Variants in PDCD1LG2 observed in about 807,000 individuals in gnomAD.
The protein encoded by PDCD1LG2 is programmed cell death 1 ligand 2.
Under a neutral mutation model 28.2 loss-of-function variants are expected in PDCD1LG2, and 32 were observed. The ratio of observed to expected loss-of-function variants is 1.13; its 90% CI spans 0.86 to 1.52. PDCD1LG2 has a LOEUF of 1.52. Among genes scored for constraint, PDCD1LG2 ranks in the 40% most tolerant of loss-of-function variants. The pLI, the probability that PDCD1LG2 is intolerant of heterozygous loss-of-function variation, is 0.00. For missense variants in PDCD1LG2, 385 were observed against 323.8 expected, an observed-to-expected ratio of 1.19 and a Z score of -1.45; for synonymous variants, 116 against 120.2, an observed-to-expected ratio of 0.97 and a Z score of 0.23.
At position 5,569,917 on chromosome 9, in the gene PDCD1LG2, A is replaced by G. The variant is rs774888890; in HGVS notation, c.817-37A>G. The G allele has an allele frequency of 5.0e-6, 8 of 1,609,618 alleles. No individual in the cohort carries two copies. In the South Asian group the frequency reaches 7.7e-5, roughly 16 times the overall value. ...GAGGTTATATATTTTCTAATCATAA[A>G]AAATGATTTTTCTTATTTGTGGGCT... On this transcript the variant is annotated intron_variant, in intron 6 of 6. Transcript: ENST00000397747. This position sits in a 1 kb window ranked among gnomAD's most constrained non-coding sequence, Gnocchi z 4.1.
Position 5,569,898 on chromosome 9 carries a change from A to G in PDCD1LG2, c.817-56A>G. ...TCCTCACTCAAATTTTGGGGAGGTT[A>G]TATATTTTCTAATCATAAAAAATGA... On this transcript the variant is annotated intron_variant, in intron 6 of 6. Coordinates refer to ENST00000397747, the MANE Select transcript of PDCD1LG2 (RefSeq NM_025239.4). This position sits in a 1 kb window ranked among gnomAD's most constrained non-coding sequence, Gnocchi z 4.1. 1 of 1,575,714 alleles carries G rather than the reference A, an allele frequency of 6.3e-7. No individual in the cohort carries two copies. The highest frequency in any genetic ancestry group is 1.1e-5 in the South Asian group (1 of 89,792).
intron 4 of PDCD1LG2, among the ~76,000 whole-genome samples, chr9:5,555,609 C>G (rs921881477): frequency 6.6e-6 from 1 of 152,174 alleles, no homozygotes; most frequent in African/African-American, 2.4e-5. Flanking sequence ...AGCAGCTAAG[C>G]AGCTATGTTC....
chr9:5,546,636 C>G (rs1356757259), intron 3 of PDCD1LG2, among the ~76,000 whole-genome samples: 1 of 152,292 alleles, frequency 6.6e-6, no homozygotes, highest in Middle Eastern at 3.4e-3. Flanking sequence ...ATTCCTCTAT[C>G]TGCTTATGTT....
At position 5,557,637 on chromosome 9, in the gene PDCD1LG2, C is replaced by A. The variant is rs1349886332; in HGVS notation, c.651C>A (p.Thr217=). ...IDLQSQMEPR[T]HPTWLLHIFI... Reference sequence around the variant, plus strand: ...GCCCAGGTCAGATGGAACCCAGGACCCATCCAACTTGGCTGCTTCACATTT... The same window carrying A: ...GCCCAGGTCAGATGGAACCCAGGACACATCCAACTTGGCTGCTTCACATTT... The change falls in exon 5 of 7, where the codon ACC becomes ACA. Residue 217 remains threonine (T), a synonymous_variant. Coordinates refer to ENST00000397747, the MANE Select transcript of PDCD1LG2 (RefSeq NM_025239.4). 5.0e-6 allele frequency: 8 copies of A among 1,613,890 alleles called. No homozygotes were observed. The highest frequency in any genetic ancestry group is 1.3e-5 in the African/African-American group (1 of 74,896).
At chr9:5,538,378 T>C (rs1287040307) in intron 3 of PDCD1LG2, among the ~76,000 whole-genome samples, 2 of 152,082 alleles carry the variant, frequency 1.3e-5, no homozygotes, top group African/African-American at 2.4e-5. Flanking sequence ...GTACTATATA[T>C]ATATATTTTA....
At chr9:5,529,541 GT>G (rs918063417) in intron 2 of PDCD1LG2, among the ~76,000 whole-genome samples, 3 of 151,628 alleles carry the variant, frequency 2.0e-5, no homozygotes, top group African/African-American at 4.8e-5. Flanking sequence ...ACTTATATTT[GT>G]TTTTTTTCTT....
chr9:5,512,414 G>A (rs928460489), intron 1 of PDCD1LG2, among the ~76,000 whole-genome samples: 2 of 152,194 alleles, frequency 1.3e-5, no homozygotes, highest in African/African-American at 4.8e-5. Flanking sequence ...TAGTCTTCAC[G>A]GCTCCCTATG....
intron 2 of PDCD1LG2, among the ~76,000 whole-genome samples, chr9:5,525,788 C>A (rs1028629387): frequency 6.6e-6 from 1 of 152,068 alleles, no homozygotes; most frequent in Admixed American, 6.6e-5. Flanking sequence ...GTGGCTCACG[C>A]CTGTAATCCC....
intron 1 of PDCD1LG2, among the ~76,000 whole-genome samples, chr9:5,517,797 T>G (rs980858008): frequency 1.3e-5 from 2 of 152,146 alleles, no homozygotes; most frequent in Non-Finnish European, 2.9e-5. Context: ...GGTTGGTTAA[T>G]GAATCAGATG....
At chr9:5,554,602 T>G (rs1816399316) in intron 4 of PDCD1LG2, among the ~76,000 whole-genome samples, 1 of 152,222 alleles carries the variant, frequency 6.6e-6, no homozygotes, top group African/African-American at 2.4e-5. Context: ...ATTCCAAATT[T>G]CAAGCACAAG....
At chr9:5,549,732 A>T in intron 4 of PDCD1LG2, 128 bp downstream of exon 4, 1 of 1,182,698 alleles carries the variant, frequency 8.5e-7, no homozygotes, top group Non-Finnish European at 1.2e-6. Context: ...CCATTTGGAG[A>T]AACTACAAAG....
At chr9:5,541,256 A>T (rs1400895873) in intron 3 of PDCD1LG2, among the ~76,000 whole-genome samples, 2 of 152,350 alleles carry the variant, frequency 1.3e-5, no homozygotes, top group African/African-American at 4.8e-5. Flanking sequence ...AGCCAACATT[A>T]TGCTGAATGG....
chr9:5,513,495 C>G (rs950754072), intron 1 of PDCD1LG2, among the ~76,000 whole-genome samples: 1 of 152,142 alleles, frequency 6.6e-6, no homozygotes, highest in African/African-American at 2.4e-5. Context: ...GGGCAAGGGC[C>G]CTTTCTTAGA....
intron 1 of PDCD1LG2, among the ~76,000 whole-genome samples, chr9:5,519,058 T>A (rs1228848159): frequency 1.3e-5 from 2 of 152,116 alleles, no homozygotes; most frequent in East Asian, 3.8e-4. Context: ...AAGGGCCACA[T>A]GGGGAAGCAC....
chr9:5,543,471 G>A (rs1221699558), intron 3 of PDCD1LG2, among the ~76,000 whole-genome samples: 2 of 150,854 alleles, frequency 1.3e-5, no homozygotes, highest in Non-Finnish European at 2.9e-5. Flanking sequence ...CCTGGGAGGC[G>A]GATTTTGCAA....
At chr9:5,515,922 CAAAAAAAA>C (rs1204038026) in intron 1 of PDCD1LG2, among the ~76,000 whole-genome samples, 26 of 30,300 alleles carry the variant, frequency 8.6e-4, no homozygotes, top group Admixed American at 7.4e-3. Context: ...GACTCCATCT[CAAAAAAAA>C]AAAAAAAAAA....
chr9:5,540,818 A>G (rs1228919268), intron 3 of PDCD1LG2, among the ~76,000 whole-genome samples: 1 of 152,174 alleles, frequency 6.6e-6, no homozygotes, highest in East Asian at 1.9e-4. Context: ...TATTGACACT[A>G]TTCCATGGGA....
At position 5,569,914 on chromosome 9, in the gene PDCD1LG2, T is replaced by TA. The variant is rs745408297; in HGVS notation, c.817-34dup. 9.3e-6 allele frequency: 15 copies of TA among 1,609,422 alleles called. No individual in the cohort carries two copies. Among genetic ancestry groups the TA allele is most frequent in the Non-Finnish European group, 1.2e-5 (14 of 1,176,838 alleles). On this transcript the variant is annotated intron_variant, in intron 6 of 6. Transcript: ENST00000397747. This position sits in a 1 kb window ranked among gnomAD's most constrained non-coding sequence, Gnocchi z 4.1. ...GGGGAGGTTATATATTTTCTAATCA[T>TA]AAAAAATGATTTTTCTTATTTGTGG...
intron 3 of PDCD1LG2, among the ~76,000 whole-genome samples, chr9:5,547,531 G>GT (rs1421079436): frequency 2.0e-5 from 3 of 152,030 alleles, no homozygotes; most frequent in African/African-American, 7.2e-5. Flanking sequence ...TATTTTTAAA[G>GT]TTTTTATAAG....
Sources: gnomAD v4.1 joint callset for allele counts (sites outside exome capture counted in the v4.1 genomes callset) on GRCh38, gnomAD v4.1.1 for gene constraint, Gnocchi (gnomAD v3.1) non-coding constraint, MANE v1.5 for transcripts, NCBI Gene and HGNC (gene_info 2026-07-23, HGNC 2026-07-21) for gene names.